Variants in CCDC171 observed in about 807,000 individuals in gnomAD.
CCDC171 encodes coiled-coil domain containing 171.
In CCDC171, 177 loss-of-function variants were observed where a neutral mutation model predicts 168.2. That is an observed-to-expected ratio of 1.05 (90% CI 0.93 to 1.19). The LOEUF is 1.19. Among genes scored for constraint, CCDC171 ranks in the 50% most tolerant of loss-of-function variants. CCDC171 has a pLI of 0.00. For missense variants in CCDC171, 1,991 were observed against 1,539.0 expected (o/e 1.29, Z -4.91); for synonymous variants, 687 against 540.8 (o/e 1.27, Z -3.75).
At chr9:15,576,276 T>G (rs1175644684) in intron 3 of CCDC171, among the ~76,000 whole-genome samples, 1 of 151,960 alleles carries the variant, frequency 6.6e-6, no homozygotes, top group Non-Finnish European at 1.5e-5. Flanking sequence ...CTGGAACTCC[T>G]GGGCTCAAGT....
At chr9:15,778,854 A>G in intron 19 of CCDC171, 114 bp from the exon 20 acceptor site, 1 of 704,986 alleles carries the variant, frequency 1.4e-6, no homozygotes, top group Non-Finnish European at 2.1e-6. Context: ...TTTCTGTAAT[A>G]GCTAGCACTG....
At chr9:15,699,681 G>C (rs1313125154) in intron 11 of CCDC171, among the ~76,000 whole-genome samples, 1 of 152,134 alleles carries the variant, frequency 6.6e-6, no homozygotes. Flanking sequence ...CACAAACACT[G>C]AGCTAGACAC....
Position 15,729,613 on chromosome 9 carries a change from A to G in CCDC171, c.1864A>G (p.Arg622Gly). 6.2e-7 allele frequency: 1 copy of G among 1,602,302 alleles called. No homozygotes were observed. Among genetic ancestry groups the G allele is most frequent in the Non-Finnish European group, 8.5e-7 (1 of 1,172,360 alleles). The stretch of plus-strand genomic sequence containing the variant: ...TCTGTTGCATCTCCCCGTATAGATA[A>G]GGCATCTAGAGTATATCTGTAAAAA... ...ADLNRANEKI[R>G]HLEYICKNKS... The change falls in exon 16 of 26, where the codon AGG (arginine) becomes GGG (glycine). Residue 622 changes from arginine (R) to glycine (G), a missense_variant. By Grantham distance (125) the Arg-to-Gly change is moderately radical. Transcript: ENST00000380701.
chr9:15,920,708 A>T (rs1825202219), intron 25 of CCDC171, among the ~76,000 whole-genome samples: 1 of 151,796 alleles, frequency 6.6e-6, no homozygotes, highest in Non-Finnish European at 1.5e-5. Flanking sequence ...ATTTGGCAGT[A>T]TGCATAGTTA....
intron 24 of CCDC171, among the ~76,000 whole-genome samples, chr9:15,916,015 A>T (rs1411644949): frequency 1.3e-5 from 2 of 152,140 alleles, no homozygotes; most frequent in Non-Finnish European, 2.9e-5. Flanking sequence ...TCTATTTGCT[A>T]GTATTTTGTT....
chr9:16,012,771 A>T (rs1052846456), intron 3 of CCDC171, among the ~76,000 whole-genome samples: 2 of 152,022 alleles, frequency 1.3e-5, no homozygotes, highest in African/African-American at 4.8e-5. Flanking sequence ...TTCATGTTTG[A>T]GATATTCCCC....
chr9:15,572,689 T>C (rs1192208071), intron 3 of CCDC171, among the ~76,000 whole-genome samples: 1 of 152,260 alleles, frequency 6.6e-6, no homozygotes, highest in Admixed American at 6.5e-5. Flanking sequence ...TACTTTGTTC[T>C]TCCACAACAT....
At chr9:15,784,465 C>A (rs1291298068) in intron 20 of CCDC171, 44 bp from the exon 21 acceptor site, 1 of 1,289,452 alleles carries the variant, frequency 7.8e-7, no homozygotes, top group Non-Finnish European at 1.1e-6. Flanking sequence ...TACAACAATG[C>A]AGTTAGCTTT....
intron 21 of CCDC171, among the ~76,000 whole-genome samples, chr9:15,840,228 A>G (rs374991580): frequency 6.6e-6 from 1 of 152,158 alleles, no homozygotes; most frequent in South Asian, 2.1e-4. Flanking sequence ...AAACCCAACT[A>G]TATGAAGCCC....
At chr9:15,894,316 A>G (rs12001446) in intron 24 of CCDC171, among the ~76,000 whole-genome samples, 3,449 of 152,170 alleles carry the variant, frequency 0.023, 136 homozygotes, top group African/African-American at 0.079. Flanking sequence ...AGGATAGCTA[A>G]TGGATGCTGG....
intron 15 of CCDC171, among the ~76,000 whole-genome samples, chr9:15,728,663 C>T (rs11794085): frequency 0.085 from 12,884 of 151,956 alleles, 719 homozygotes; most frequent in Non-Finnish European, 0.13. Context: ...GTTTAAAAAC[C>T]TGCTTTTGGT....
At chr9:16,055,410 C>T (rs556882078) in intron 1 of CCDC171, among the ~76,000 whole-genome samples, 79 of 152,104 alleles carry the variant, frequency 5.2e-4, no homozygotes, top group African/African-American at 1.8e-3. Context: ...GCCTGTGGTC[C>T]TTGACACTCA....
At chr9:16,077,815 G>A in the CCDC171 span, among the ~76,000 whole-genome samples, 1 of 152,188 alleles carries the variant, frequency 6.6e-6, no homozygotes, top group Non-Finnish European at 1.5e-5. Context: ...GACAAATGAG[G>A]GAGGCATACA....
intron 11 of CCDC171, among the ~76,000 whole-genome samples, chr9:15,715,660 C>T (rs2053025988): frequency 6.6e-6 from 1 of 152,134 alleles, no homozygotes; most frequent in Non-Finnish European, 1.5e-5. Flanking sequence ...ATTCTCCCTC[C>T]ATTATTTCTT....
chr9:15,612,897 C>G (rs2043806530), intron 6 of CCDC171, among the ~76,000 whole-genome samples: 1 of 152,136 alleles, frequency 6.6e-6, no homozygotes, highest in South Asian at 2.1e-4. Flanking sequence ...TTTCTTAACA[C>G]TTTTCTGCAG....
At chr9:15,909,467 C>G (rs1278006960) in intron 24 of CCDC171, among the ~76,000 whole-genome samples, 2 of 152,046 alleles carry the variant, frequency 1.3e-5, no homozygotes, top group Non-Finnish European at 1.5e-5. Flanking sequence ...GGTTGGCAGT[C>G]TGACATCCTG....
intron 6 of CCDC171, among the ~76,000 whole-genome samples, chr9:15,605,091 C>G (rs2043123456): frequency 6.6e-6 from 1 of 151,938 alleles, no homozygotes; most frequent in African/African-American, 2.4e-5. Context: ...AGATGGGGGT[C>G]TTCCTTTGTT....
chr9:15,772,963 A>G (rs6474968), intron 18 of CCDC171, among the ~76,000 whole-genome samples: 6,989 of 152,138 alleles, frequency 0.046, 345 homozygotes, highest in South Asian at 0.13. Context: ...TTAGTTAACA[A>G]TACTCATTAT....
intron 4 of CCDC171, among the ~76,000 whole-genome samples, chr9:15,587,154 C>T (rs2041630454): frequency 6.6e-6 from 1 of 152,062 alleles, no homozygotes; most frequent in Non-Finnish European, 1.5e-5. Context: ...AAGCTAACAC[C>T]TGGATTTCTA....
Sources: gnomAD v4.1 joint callset for allele counts (sites outside exome capture counted in the v4.1 genomes callset) on GRCh38, gnomAD v4.1.1 for gene constraint, MANE v1.5 for transcripts, NCBI Gene and HGNC (gene_info 2026-07-23, HGNC 2026-07-21) for gene names.